The following ENPP2 variants were observed in gnomAD, a reference collection of about 807,000 sequenced individuals.
ENPP2 encodes ectonucleotide pyrophosphatase/phosphodiesterase 2.
Under a neutral mutation model 120.2 loss-of-function variants are expected in ENPP2, and 51 were observed. That is an observed-to-expected ratio of 0.42 (90% confidence interval 0.34 to 0.54). ENPP2 has a LOEUF of 0.54. Ranked by LOEUF, ENPP2 falls within the 20% of genes least tolerant of loss-of-function variation. The probability of loss-of-function intolerance (pLI) is 0.04; values close to 1 mark genes in which losing one functional copy is unlikely to be tolerated. For missense variants in ENPP2, 920 were observed against 1,066.5 expected, an observed-to-expected ratio of 0.86 and a Z score of 1.91; for synonymous variants, 365 against 366.4, an observed-to-expected ratio of 1.00 and a Z score of 0.04.
At chr8:119,632,072 GTACCTGACGTAA>G (rs1816719904) in intron 2 of ENPP2, among the ~76,000 whole-genome samples, 1 of 152,188 alleles carries the variant, frequency 6.6e-6, no homozygotes, top group South Asian at 2.1e-4. Flanking sequence ...TCTCTTTATT[GTACCTGACGTAA>G]TGTCAAATAG....
intron 9 of ENPP2, among the ~76,000 whole-genome samples, chr8:119,603,226 TA>T (rs11424718): frequency 8.7e-5 from 13 of 149,536 alleles, no homozygotes; most frequent in East Asian, 2.0e-4. Flanking sequence ...CTTTCCTGTT[TA>T]AAAAAAAAAA....
chr8:119,578,327 T>C (rs1477257319), intron 19 of ENPP2: 1 of 152,246 alleles, frequency 6.6e-6, no homozygotes, highest in Non-Finnish European at 1.5e-5. Flanking sequence ...GTGCTGGGAT[T>C]ACAGGCATGA....
At chr8:119,561,277 C>T (rs182908699) in intron 24 of ENPP2, among the ~76,000 whole-genome samples, 5 of 152,278 alleles carry the variant, frequency 3.3e-5, no homozygotes, top group Non-Finnish European at 5.9e-5. Flanking sequence ...TCTTGTGGCT[C>T]CTTGCCTTTC....
At chr8:119,571,853 C>T (rs1325926275) in intron 19 of ENPP2, 6 of 197,776 alleles carry the variant, frequency 3.0e-5, no homozygotes, top group Admixed American at 5.6e-5. Context: ...AAAGTCTTAC[C>T]ATTCTATGCA....
intron 1 of ENPP2, among the ~76,000 whole-genome samples, chr8:119,667,958 C>T (rs944160699): frequency 2.6e-5 from 4 of 152,258 alleles, no homozygotes; most frequent in Middle Eastern, 3.4e-3. Flanking sequence ...AAGGTACTGA[C>T]ACCTCTGCTT....
exon 1 of ENPP2, chr8:119,673,362 G>T (rs1268502206): frequency 6.9e-7 from 1 of 1,453,224 alleles, no homozygotes; most frequent in South Asian, 1.2e-5. Context: ...TGCTCGGGAC[G>T]GCTGCTGCGG....
intron 12 of ENPP2, chr8:119,592,949 G>C: frequency 1.0e-6 from 1 of 975,736 alleles, no homozygotes; most frequent in Non-Finnish European, 1.2e-6. Context: ...CTGCCAAAGA[G>C]TCAGCCAATT....
At chr8:119,654,301 T>C (rs1399037051) in intron 1 of ENPP2, among the ~76,000 whole-genome samples, 2 of 142,112 alleles carry the variant, frequency 1.4e-5, no homozygotes, top group Non-Finnish European at 3.0e-5. Flanking sequence ...TAGATGTATC[T>C]ATATATAATA....
intron 8 of ENPP2, among the ~76,000 whole-genome samples, chr8:119,608,564 G>A (rs1814881532): frequency 6.6e-6 from 1 of 152,184 alleles, no homozygotes; most frequent in African/African-American, 2.4e-5. Flanking sequence ...AGTGAACCAA[G>A]CATTTCATCA....
upstream of ENPP2, among the ~76,000 whole-genome samples, chr8:119,640,615 C>T (rs766882781): frequency 6.6e-6 from 1 of 152,172 alleles, no homozygotes; most frequent in Non-Finnish European, 1.5e-5. Context: ...TGAACATCAT[C>T]CATTTATTTT....
At chr8:119,579,616 C>T (rs1490856376) in intron 19 of ENPP2, among the ~76,000 whole-genome samples, 1 of 151,310 alleles carries the variant, frequency 6.6e-6, no homozygotes, top group African/African-American at 2.4e-5. Context: ...CTAATACGTG[C>T]TCGTTATCAT....
rs562879430 is a variant in ENPP2, at chr8:119,577,025, T to C, written c.1780+3091A>G. ...TTTATCACAGATATCCCTGTGATCG[T>C]TTCACTATTGGAACATGCAGCTTTT... On this transcript the variant is annotated intron_variant, in intron 19 of 24. Transcript: ENST00000075322. Among the ~76,000 whole-genome samples, 3 of 152,344 alleles carry C rather than the reference T, an allele frequency of 2.0e-5. No individual in the cohort carries two copies. In the South Asian group the frequency reaches 6.2e-4, roughly 32 times the overall value.
intron 8 of ENPP2, among the ~76,000 whole-genome samples, chr8:119,612,287 G>A (rs926560121): frequency 1.3e-5 from 2 of 152,128 alleles, no homozygotes; most frequent in African/African-American, 4.8e-5. Flanking sequence ...GTAGTATATG[G>A]AAAAGAAACA....
chr8:119,604,331 A>C (rs1437091645), intron 9 of ENPP2, among the ~76,000 whole-genome samples: 3 of 152,002 alleles, frequency 2.0e-5, no homozygotes, highest in Non-Finnish European at 4.4e-5. Flanking sequence ...CCCAGCCTCT[A>C]ATCTCTTAAA....
At chr8:119,639,322 T>C (rs1318237389), upstream of ENPP2, among the ~76,000 whole-genome samples, 1 of 152,196 alleles carries the variant, frequency 6.6e-6, no homozygotes, top group Admixed American at 6.5e-5. Flanking sequence ...TTCCCATCTA[T>C]TTATTTTGCT....
chr8:119,577,868 G>T (rs1048441003), intron 19 of ENPP2, among the ~76,000 whole-genome samples: 1 of 152,194 alleles, frequency 6.6e-6, no homozygotes, highest in African/African-American at 2.4e-5. Flanking sequence ...AGCTTCAGCG[G>T]TATAAAAAGA....
At chr8:119,568,471 T>C (rs1814671366) in intron 21 of ENPP2, among the ~76,000 whole-genome samples, 1 of 151,598 alleles carries the variant, frequency 6.6e-6, no homozygotes, top group Admixed American at 6.6e-5. Context: ...CCAAGAGCCA[T>C]TTACAATGTT....
intron 1 of ENPP2, among the ~76,000 whole-genome samples, chr8:119,668,164 G>T (rs944120985): frequency 6.6e-6 from 1 of 152,198 alleles, no homozygotes; most frequent in East Asian, 1.9e-4. Context: ...AAATCACCTG[G>T]TTCCTCACCT....
rs138647379 is a variant in ENPP2, at chr8:119,584,045, G to C, written c.1372C>G (p.Pro458Ala). Residue 458 changes from proline to alanine, a missense_variant, in exon 16 of 25, where the codon CCT (proline) becomes GCT (alanine). By Grantham distance (27) the Pro-to-Ala change is conservative. Coordinates refer to ENST00000075322, the MANE Select transcript of ENPP2 (RefSeq NM_001040092.3). ...GATGGTTTCTTATAAACATCCAAAG[G>C]TTTCCTAAATTGAAACAATTTCATG... is the stretch of plus-strand genomic sequence containing the variant. Reference protein sequence around the residue: ...VERRWHVARKPLDVYKKPSGK... With the variant: ...VERRWHVARKALDVYKKPSGK... The C allele has an allele frequency of 1.6e-5, 26 of 1,603,868 alleles. No homozygotes were observed. Among genetic ancestry groups the C allele is most frequent in the Non-Finnish European group, 2.0e-5 (23 of 1,171,878 alleles).
Sources: gnomAD v4.1 joint callset for allele counts (sites outside exome capture counted in the v4.1 genomes callset) on GRCh38, gnomAD v4.1.1 for gene constraint, MANE v1.5 for transcripts, NCBI Gene and HGNC (gene_info 2026-07-23, HGNC 2026-07-21) for gene names.